The following SAMSN1 variants were observed in gnomAD, a reference collection of about 807,000 sequenced individuals.
SAMSN1 encodes SAM domain-containing protein SAMSN-1.
In SAMSN1, 31 loss-of-function variants were observed where a neutral mutation model predicts 42.0. That is an observed-to-expected ratio of 0.74 (90% CI 0.55 to 1.00). SAMSN1 has a LOEUF of 1.00. Ranked by LOEUF, SAMSN1 falls within the 50% of genes least tolerant of loss-of-function variation. The pLI is 0.00. For synonymous variants in SAMSN1, 178 were observed against 151.9 expected (o/e 1.17, Z -1.26); for missense variants, 464 against 439.4 (o/e 1.06, Z -0.50).
intron 2 of SAMSN1, among the ~76,000 whole-genome samples, chr21:14,640,116 G>A (rs1296317559): frequency 1.3e-5 from 2 of 152,016 alleles, no homozygotes; most frequent in African/African-American, 4.8e-5. Context: ...GTTCATCTAT[G>A]GAACTCCCAC....
At chr21:14,512,653 C>CCAG in intron 3 of SAMSN1, 80 bp from the exon 4 acceptor site, 1 of 1,324,488 alleles carries the variant, frequency 7.6e-7, no homozygotes. Flanking sequence ...ATTTAATAGA[C>CCAG]ACATATTTTA....
chr21:14,594,924 A>G (rs939540253), intron 6 of SAMSN1, among the ~76,000 whole-genome samples: 2 of 152,168 alleles, frequency 1.3e-5, no homozygotes, highest in Non-Finnish European at 2.9e-5. Flanking sequence ...TGTACAAGAA[A>G]CATAGTGGCT....
chr21:14,615,866 A>G (rs1982822929), intron 3 of SAMSN1: 1 of 83,384 alleles, frequency 1.2e-5, no homozygotes, highest in East Asian at 2.7e-4. Context: ...ACAGCTGCAA[A>G]AAAAAAAAAA....
chr21:14,566,625 C>T (rs148197991), intron 2 of SAMSN1, among the ~76,000 whole-genome samples: 12 of 151,970 alleles, frequency 7.9e-5, no homozygotes, highest in South Asian at 2.1e-4. Flanking sequence ...ACAACTTCTG[C>T]CTCCCGGGTT....
intron 4 of SAMSN1, among the ~76,000 whole-genome samples, chr21:14,610,597 G>A (rs1024997846): frequency 2.1e-4 from 29 of 139,760 alleles, no homozygotes; most frequent in Middle Eastern, 3.5e-3. Context: ...TTTGTGGCTC[G>A]GGGGCATCAC....
At chr21:14,514,188 T>G (rs1987808343) in intron 3 of SAMSN1, among the ~76,000 whole-genome samples, 1 of 152,224 alleles carries the variant, frequency 6.6e-6, no homozygotes, top group Non-Finnish European at 1.5e-5. Context: ...TGCTGAAGTA[T>G]GAGACTCTCT....
chr21:14,546,779 G>A (rs146841608), upstream of SAMSN1, among the ~76,000 whole-genome samples: 125 of 151,592 alleles, frequency 8.2e-4, no homozygotes, highest in Middle Eastern at 0.014. Context: ...GCATGATCTC[G>A]GCTCACTGCA....
chr21:14,631,791 A>T (rs964988318), intron 2 of SAMSN1, among the ~76,000 whole-genome samples: 11 of 152,184 alleles, frequency 7.2e-5, no homozygotes, highest in African/African-American at 2.7e-4. Flanking sequence ...TGATACTTAT[A>T]AATCAGAATT....
At chr21:14,566,992 GCTTTATGATTAGTA>G (rs1981142315) in intron 2 of SAMSN1, among the ~76,000 whole-genome samples, 4 of 152,054 alleles carry the variant, frequency 2.6e-5, no homozygotes, top group Admixed American at 2.6e-4. Flanking sequence ...AAGTAAGTAG[GCTTTATGATTAGTA>G]AACTGGGCAT....
intron 2 of SAMSN1, among the ~76,000 whole-genome samples, chr21:14,638,122 G>T (rs908976653): frequency 5.9e-5 from 9 of 152,154 alleles, no homozygotes; most frequent in African/African-American, 2.2e-4. Context: ...GCAAAGCTTG[G>T]ATAGCAGATA....
intron 1 of SAMSN1, among the ~76,000 whole-genome samples, chr21:14,645,380 C>A (rs995317968): frequency 3.3e-5 from 5 of 152,244 alleles, no homozygotes; most frequent in African/African-American, 1.2e-4. Flanking sequence ...GACTGGTCAT[C>A]CAGGGAGTTC....
chr21:14,529,450 A>T (rs1435846033), intron 1 of SAMSN1, among the ~76,000 whole-genome samples: 1 of 152,202 alleles, frequency 6.6e-6, no homozygotes, highest in East Asian at 1.9e-4. Flanking sequence ...AATAAATTAG[A>T]ACTTAATCAT....
At position 14,516,985 on chromosome 21, in the gene SAMSN1, A is replaced by G; in HGVS notation, c.186T>C (p.Asn62=). The G allele has an allele frequency of 6.2e-7, 1 of 1,613,352 alleles. No homozygotes were observed. Among genetic ancestry groups the G allele is most frequent in the South Asian group, 1.1e-5 (1 of 90,996 alleles). ...GSGEQSKTSN[N]GGGLGKKMRA... Reference sequence around the variant, plus strand: ...TCATTTTTTTACCCAAACCGCCTCCATTATTTGAAGTTTTACTTTGTTCTC... The same window carrying G: ...TCATTTTTTTACCCAAACCGCCTCCGTTATTTGAAGTTTTACTTTGTTCTC... Residue 62 remains asparagine, a synonymous_variant, in exon 3 of 8, where the codon AAT becomes AAC. Coordinates refer to ENST00000400566, the MANE Select transcript of SAMSN1 (RefSeq NM_022136.5).
chr21:14,647,766 C>A (rs1983746340), intron 1 of SAMSN1, among the ~76,000 whole-genome samples: 1 of 134,068 alleles, frequency 7.5e-6, no homozygotes, highest in East Asian at 2.2e-4. Context: ...TGGGAGTTCA[C>A]TCATGATTTG....
intron 5 of SAMSN1, among the ~76,000 whole-genome samples, chr21:14,505,656 C>CTTCA (rs1987366850): frequency 6.6e-6 from 1 of 152,166 alleles, no homozygotes; most frequent in African/African-American, 2.4e-5. Flanking sequence ...TAGTGGGGAA[C>CTTCA]TTCAGTACTC....
chr21:14,578,651 C>T lies in SAMSN1; in HGVS notation c.261+3485G>A, dbSNP rs1981585752. On this transcript the variant is annotated intron_variant, in intron 2 of 8. Transcript: ENST00000285670. Reference sequence around the variant, plus strand: ...TGAGCCAAGATCATGCCATTACACTCCAGCCTGGGCGACAGGGTGAGAATC... The same window carrying T: ...TGAGCCAAGATCATGCCATTACACTTCAGCCTGGGCGACAGGGTGAGAATC... Among the ~76,000 whole-genome samples, 4 of 144,280 alleles carry T rather than the reference C, an allele frequency of 2.8e-5. No homozygotes were observed. The South Asian group carries it at 8.9e-4, about 32-fold the overall frequency. 94.7% of individuals were successfully genotyped at this position (144,280 alleles called of 152,430 possible). A position where few individuals can be genotyped will look rare whatever the true frequency, so the allele number is the denominator to read the frequency against.
At chr21:14,556,666 G>T (rs1980772064) in intron 2 of SAMSN1, among the ~76,000 whole-genome samples, 1 of 152,176 alleles carries the variant, frequency 6.6e-6, no homozygotes, top group Non-Finnish European at 1.5e-5. Flanking sequence ...GTTTATACAT[G>T]AAGTGCAAAG....
At chr21:14,580,356 T>A (rs1427329387) in intron 2 of SAMSN1, among the ~76,000 whole-genome samples, 2 of 152,088 alleles carry the variant, frequency 1.3e-5, no homozygotes, top group Non-Finnish European at 2.9e-5. Flanking sequence ...AGTTAGGGAG[T>A]CCAGATTTTA....
chr21:14,616,783 G>C (rs1357398056), intron 2 of SAMSN1, among the ~76,000 whole-genome samples: 1 of 152,094 alleles, frequency 6.6e-6, no homozygotes, highest in Non-Finnish European at 1.5e-5. Flanking sequence ...AAAGAAAATT[G>C]CAACGAATAT....
Sources: allele counts gnomAD v4.1 joint callset (sites outside exome capture counted in the v4.1 genomes callset), GRCh38; gene constraint gnomAD v4.1.1; transcripts MANE v1.5; gene names NCBI Gene and HGNC (gene_info 2026-07-23, HGNC 2026-07-21).